OTC: variants seen among roughly 807,000 people sequenced by gnomAD.
OTC encodes ornithine transcarbamylase, also known as ornithine transcarbamylase, mitochondrial.
OTC carries 3 observed loss-of-function variants against 30.3 expected under a neutral mutation model. That is an observed-to-expected ratio of 0.10 (90% CI 0.05 to 0.26). The LOEUF (loss-of-function observed/expected upper bound fraction) is 0.26, where lower values mean the gene tolerates loss of function less well. Ranked by LOEUF, OTC falls within the 10% of genes least tolerant of loss-of-function variation. The pLI is 1.00. For missense variants in OTC, 194 were observed against 260.3 expected (o/e 0.75, Z 1.75); for synonymous variants, 111 against 99.7 (o/e 1.11, Z -0.67).
chrX:38,341,089 C>T, the OTC span, among the ~76,000 whole-genome samples: 4 of 111,816 alleles, frequency 3.6e-5, no homozygotes, highest in South Asian at 3.7e-4. Context: ...TGAACCACTG[C>T]GCCCAGCCAG....
At chrX:38,373,357 T>C (rs1376706347) in intron 3 of OTC, among the ~76,000 whole-genome samples, 2 of 112,677 alleles carry the variant, frequency 1.8e-5, no homozygotes, top group Non-Finnish European at 3.7e-5. Context: ...TGTATCGATG[T>C]AGCTGTGTGT....
intron 4 of OTC, among the ~76,000 whole-genome samples, chrX:38,400,659 C>T (rs184980223): frequency 7.1e-5 from 8 of 112,284 alleles, no homozygotes; most frequent in Middle Eastern, 4.6e-3. Flanking sequence ...CAGAGAGGTC[C>T]CTGTCACGCA....
chrX:38,327,888 C>G, the OTC span, among the ~76,000 whole-genome samples: 1 of 113,020 alleles, frequency 8.8e-6, no homozygotes, highest in African/African-American at 3.2e-5. Flanking sequence ...AAGCACTCTG[C>G]TAAAGATATC....
the OTC span, among the ~76,000 whole-genome samples, chrX:38,347,488 A>T: frequency 8.9e-6 from 1 of 112,202 alleles, no homozygotes; most frequent in South Asian, 3.7e-4. Flanking sequence ...AACTCGGAAG[A>T]CTTAACTAGT....
the OTC span, among the ~76,000 whole-genome samples, chrX:38,335,878 C>A: frequency 9.0e-6 from 1 of 111,271 alleles, no homozygotes; most frequent in Admixed American, 9.5e-5. Context: ...CATTTACTAC[C>A]ATTCACTAAA....
At chrX:38,411,772 A>G (rs2068543989) in intron 8 of OTC, 90 bp from the exon 9 acceptor site, 1 of 825,296 alleles carries the variant, frequency 1.2e-6, no homozygotes, top group African/African-American at 2.0e-5. Context: ...ATGTCTGACT[A>G]CTGGCCATGT....
At chrX:38,356,344 A>G (rs1292374960) in intron 1 of OTC, among the ~76,000 whole-genome samples, 2 of 111,999 alleles carry the variant, frequency 1.8e-5, no homozygotes, top group Non-Finnish European at 3.8e-5. Context: ...AAGGTATCTT[A>G]GAAACTACTA....
At chrX:38,392,096 AGG>A (rs60279463) in intron 4 of OTC, among the ~76,000 whole-genome samples, 19,534 of 111,507 alleles carry the variant, frequency 0.18, 1,557 homozygotes, top group Middle Eastern at 0.27. Context: ...TAGACAAAAT[AGG>A]TTGAACACAT....
intron 4 of OTC, among the ~76,000 whole-genome samples, chrX:38,392,620 T>G (rs1186744210): frequency 8.9e-6 from 1 of 112,305 alleles, no homozygotes; most frequent in Non-Finnish European, 1.9e-5. Flanking sequence ...CCAATGTCAT[T>G]CACAAAATAA....
intron 1 of OTC, among the ~76,000 whole-genome samples, chrX:38,353,163 A>T (rs2068226547): frequency 1.8e-5 from 2 of 112,364 alleles, no homozygotes; most frequent in South Asian, 7.3e-4. Context: ...TTGAAAAAAC[A>T]GACTCCAAGT....
chrX:38,338,811 A>G, the OTC span, among the ~76,000 whole-genome samples: 4 of 112,240 alleles, frequency 3.6e-5, no homozygotes, highest in Non-Finnish European at 5.6e-5. Context: ...ACTTTGCTGA[A>G]GTCCACAACC....
chrX:38,342,928 G>A, the OTC span, among the ~76,000 whole-genome samples: 1 of 111,980 alleles, frequency 8.9e-6, no homozygotes, highest in African/African-American at 3.2e-5. Context: ...TAAGGTGAGG[G>A]CAGAGCCCCT....
chrX:38,421,187 C>G lies in OTC; in HGVS notation c.*105C>G. ...CTAAAAAATAAACAAATCCCTAACA[C>G]GTGGTATGGGTGAACCGTATGATAT... On this transcript the variant is annotated 3_prime_UTR_variant, in exon 10 of 10. Coordinates refer to ENST00000039007, the MANE Select transcript of OTC (RefSeq NM_000531.6). The G allele has an allele frequency of 1.7e-6, 1 of 577,056 alleles. No homozygotes were observed. The allele number at this position is 577,056 out of a possible 1,213,427, so 47.6% of individuals were successfully genotyped here. A position where few individuals can be genotyped will look rare whatever the true frequency, so the allele number is the denominator to read the frequency against.
intron 4 of OTC, among the ~76,000 whole-genome samples, chrX:38,392,990 C>G (rs1175045909): frequency 1.8e-5 from 2 of 112,218 alleles, no homozygotes; most frequent in Admixed American, 1.9e-4. Flanking sequence ...AAGTCAACGG[C>G]GTAAATAGCC....
chrX:38,343,137 C>A, the OTC span, among the ~76,000 whole-genome samples: 1 of 111,800 alleles, frequency 8.9e-6, no homozygotes, highest in Non-Finnish European at 1.9e-5. Context: ...GAGAATATTG[C>A]CATGAAAATT....
the OTC span, among the ~76,000 whole-genome samples, chrX:38,339,887 A>C: frequency 1.8e-5 from 2 of 111,618 alleles, no homozygotes; most frequent in Non-Finnish European, 3.8e-5. Context: ...TTTCTTATCT[A>C]TCTAATTATT....
the OTC span, among the ~76,000 whole-genome samples, chrX:38,329,779 G>T: frequency 2.7e-5 from 3 of 111,381 alleles, no homozygotes; most frequent in Non-Finnish European, 1.9e-5. Context: ...TGGTTGCAAG[G>T]CCACTAGTTC....
At chrX:38,398,499 T>C (rs2068468311) in intron 4 of OTC, among the ~76,000 whole-genome samples, 1 of 111,899 alleles carries the variant, frequency 8.9e-6, no homozygotes, top group African/African-American at 3.3e-5. Flanking sequence ...ACTGCAGTGT[T>C]AATCCAGACT....
chrX:38,339,789 A>G, the OTC span, among the ~76,000 whole-genome samples: 11 of 111,585 alleles, frequency 9.9e-5, no homozygotes, highest in African/African-American at 3.3e-4. Flanking sequence ...AATCAAGGTG[A>G]ACCTTAGGGA....
Sources: allele counts gnomAD v4.1 joint callset (sites outside exome capture counted in the v4.1 genomes callset), GRCh38; gene constraint gnomAD v4.1.1; transcripts MANE v1.5; gene names NCBI Gene and HGNC (gene_info 2026-07-23, HGNC 2026-07-21).